GPHN: variants seen among roughly 807,000 people sequenced by gnomAD.
The protein encoded by GPHN is gephyrin.
In GPHN, 17 loss-of-function variants were observed where a neutral mutation model predicts 95.5. That is an observed-to-expected ratio of 0.18 (90% CI 0.12 to 0.27). GPHN has a LOEUF of 0.27. Among genes scored for constraint, GPHN ranks in the 10% least tolerant of loss-of-function variants. The probability of loss-of-function intolerance (pLI) is 1.00; values close to 1 mark genes in which losing one functional copy is unlikely to be tolerated. For synonymous variants in GPHN, 320 were observed against 322.5 expected, an observed-to-expected ratio of 0.99 and a Z score of 0.08; for missense variants, 660 against 978.1, an observed-to-expected ratio of 0.67 and a Z score of 4.34.
chr14:67,337,634 G>A, the GPHN span: 1 of 152,090 alleles, frequency 6.6e-6, no homozygotes, highest in Non-Finnish European at 1.5e-5. Context: ...GGCTAATCAT[G>A]TCAAAAATGC....
At chr14:67,569,824 T>C in the GPHN span, 3 of 772,922 alleles carry the variant, frequency 3.9e-6, no homozygotes, top group Non-Finnish European at 6.8e-6. Flanking sequence ...ACTGGCCTGC[T>C]CCTGGAGGGA....
chr14:66,992,650 C>G (rs1465305485), intron 9 of GPHN, among the ~76,000 whole-genome samples: 2 of 151,990 alleles, frequency 1.3e-5, no homozygotes, highest in Non-Finnish European at 2.9e-5. Context: ...TAAATAGATA[C>G]CTATTGTCTT....
chr14:66,582,882 T>C (rs1266033464), intron 1 of GPHN, among the ~76,000 whole-genome samples: 1 of 152,204 alleles, frequency 6.6e-6, no homozygotes, highest in African/African-American at 2.4e-5. Flanking sequence ...TGATTTATAA[T>C]CCTTTGGGTA....
Position 66,897,845 on chromosome 14 carries a change from C to G in GPHN, c.389+17812C>G, listed in dbSNP as rs115601511. 5.5e-3 allele frequency among the ~76,000 whole-genome samples: 835 copies of G among 152,194 alleles called. 3 individuals carry two copies. Among genetic ancestry groups the G allele is most frequent in the African/African-American group, 0.019 (797 of 41,546 alleles). Reference sequence around the variant, plus strand: ...CAGGTTTTCTGTTTAAATGAACTGTCAAATTATTATCCAGAGCAACTGTAT... The same window carrying G: ...CAGGTTTTCTGTTTAAATGAACTGTGAAATTATTATCCAGAGCAACTGTAT... On this transcript the variant is annotated intron_variant, in intron 5 of 22. Coordinates refer to ENST00000478722, the MANE Select transcript of GPHN (RefSeq NM_020806.5).
chr14:66,990,008 G>T (rs2071295863), intron 9 of GPHN, among the ~76,000 whole-genome samples: 1 of 152,078 alleles, frequency 6.6e-6, no homozygotes, highest in Non-Finnish European at 1.5e-5. Context: ...CTGAGACTGG[G>T]TAATTTATAA....
At chr14:67,509,783 G>A in the GPHN span, among the ~76,000 whole-genome samples, 1 of 152,264 alleles carries the variant, frequency 6.6e-6, no homozygotes, top group Admixed American at 6.5e-5. Flanking sequence ...GAGGCAGGAG[G>A]ATTGCTTGAG....
At chr14:67,050,808 T>C (rs2075272008) in intron 10 of GPHN, among the ~76,000 whole-genome samples, 1 of 151,806 alleles carries the variant, frequency 6.6e-6, no homozygotes. Context: ...GACCAGGCAG[T>C]TGGTGCAACC....
At chr14:67,395,541 G>T in the GPHN span, 1 of 1,614,176 alleles carries the variant, frequency 6.2e-7, no homozygotes, top group Non-Finnish European at 8.5e-7. Context: ...CAGGCCTCCA[G>T]GAAGTACTCC....
chr14:66,823,657 G>A (rs193275796), intron 3 of GPHN, among the ~76,000 whole-genome samples: 2 of 152,072 alleles, frequency 1.3e-5, no homozygotes, highest in Admixed American at 1.3e-4. Flanking sequence ...GAAAAAAAAG[G>A]GAAAAAATCA....
the GPHN span, among the ~76,000 whole-genome samples, chr14:67,661,297 A>AAG: frequency 1.3e-5 from 2 of 148,356 alleles, no homozygotes; most frequent in Non-Finnish European, 3.0e-5. Flanking sequence ...AAAAAAAAAA[A>AAG]AAGTTTTTTT....
the GPHN span, chr14:67,727,133 T>G: frequency 6.2e-7 from 1 of 1,614,204 alleles, no homozygotes; most frequent in South Asian, 1.1e-5. Flanking sequence ...TTTTGCCTAT[T>G]GCCACAGCAA....
chr14:66,713,832 G>T (rs985906157), intron 2 of GPHN, among the ~76,000 whole-genome samples: 7 of 151,974 alleles, frequency 4.6e-5, no homozygotes, highest in African/African-American at 1.7e-4. Flanking sequence ...GCAGTGACGT[G>T]ATCTTGGCTC....
At chr14:67,154,273 A>T (rs1477839742) in intron 18 of GPHN, among the ~76,000 whole-genome samples, 1 of 152,154 alleles carries the variant, frequency 6.6e-6, no homozygotes, top group Non-Finnish European at 1.5e-5. Context: ...CTTATCCTTC[A>T]AGGCTTAGCT....
chr14:67,298,965 A>G, the GPHN span, among the ~76,000 whole-genome samples: 2 of 152,190 alleles, frequency 1.3e-5, no homozygotes, highest in African/African-American at 4.8e-5. Flanking sequence ...TGCTTAGTAT[A>G]ATGTTTTTGA....
the GPHN span, among the ~76,000 whole-genome samples, chr14:67,681,574 G>A: frequency 6.6e-6 from 1 of 152,152 alleles, no homozygotes; most frequent in African/African-American, 2.4e-5. Flanking sequence ...TTGAAGTCAG[G>A]AGTTGGAGAC....
chr14:67,582,579 G>C, the GPHN span, among the ~76,000 whole-genome samples: 51,621 of 151,954 alleles, frequency 0.34, 9,386 homozygotes, highest in Non-Finnish European at 0.39. The surrounding 1 kb of genome is among the most constrained non-coding windows in gnomAD (Gnocchi z 5.0). Flanking sequence ...AGCACTTTGC[G>C]AGGCCGAGGC....
At chr14:66,848,032 T>A (rs2062411953) in intron 4 of GPHN, among the ~76,000 whole-genome samples, 1 of 152,050 alleles carries the variant, frequency 6.6e-6, no homozygotes, top group Admixed American at 6.6e-5. Flanking sequence ...TTTATGAACA[T>A]CAAAATCAAT....
chr14:67,351,899 T>C, the GPHN span, among the ~76,000 whole-genome samples: 600 of 115,222 alleles, frequency 5.2e-3, 18 homozygotes, highest in East Asian at 0.13. Context: ...AGAATACACA[T>C]AGAACCTCTA....
chr14:67,081,001 A>G (rs1026491177), intron 11 of GPHN, among the ~76,000 whole-genome samples: 1 of 151,960 alleles, frequency 6.6e-6, no homozygotes, highest in Non-Finnish European at 1.5e-5. Flanking sequence ...TTCTTTATCC[A>G]CTCATGGATT....
Sources: allele counts gnomAD v4.1 joint callset (sites outside exome capture counted in the v4.1 genomes callset), GRCh38; gene constraint gnomAD v4.1.1; non-coding constraint Gnocchi (gnomAD v3.1); transcripts MANE v1.5; gene names NCBI Gene and HGNC (gene_info 2026-07-23, HGNC 2026-07-21).